STYXL1: variants seen among roughly 807,000 people sequenced by gnomAD.
STYXL1 encodes the protein serine/threonine/tyrosine-interacting-like protein 1.
In STYXL1, 32 loss-of-function variants were observed where a neutral mutation model predicts 36.4. The observed-to-expected ratio is 0.88, with a 90% CI of 0.66 to 1.18. The LOEUF (loss-of-function observed/expected upper bound fraction) is 1.18, where lower values mean the gene tolerates loss of function less well. Ranked by LOEUF, STYXL1 falls within the 50% of genes most tolerant of loss-of-function variation. The probability of loss-of-function intolerance (pLI) is 0.00; values close to 1 mark genes in which losing one functional copy is unlikely to be tolerated. For synonymous variants in STYXL1, 133 were observed against 144.1 expected (o/e 0.92, Z 0.55); for missense variants, 354 against 394.1 (o/e 0.90, Z 0.86).
At chr7:75,998,262 C>G (rs1237074970) in intron 8 of STYXL1, among the ~76,000 whole-genome samples, 1 of 151,770 alleles carries the variant, frequency 6.6e-6, no homozygotes, top group Non-Finnish European at 1.5e-5. Flanking sequence ...GAATAGCCAG[C>G]CTAGCCTAGA....
chr7:76,037,314 G>A lies in STYXL1; in HGVS notation c.-4-6787C>T, dbSNP rs533504764. Among the ~76,000 whole-genome samples the A allele has an allele frequency of 4.7e-5, 7 of 150,492 alleles. 1 individual carries two copies. The highest frequency in any genetic ancestry group is 1.7e-4 in the African/African-American group (7 of 41,256). ...TCCCTGCACACAGTACACCCACCAG[G>A]GGGAAGGTCTGTCACCTTCCATATG... On this transcript the variant is annotated intron_variant, in intron 1 of 8. Transcript: ENST00000359697.
At chr7:76,037,162 G>C (rs559911206) in intron 1 of STYXL1, among the ~76,000 whole-genome samples, 1 of 149,950 alleles carries the variant, frequency 6.7e-6, no homozygotes, top group Non-Finnish European at 1.5e-5. Context: ...CAAGGCAGAA[G>C]GAACTCCCGA....
chr7:76,035,734 C>A (rs1360426586), intron 1 of STYXL1, among the ~76,000 whole-genome samples: 4 of 149,788 alleles, frequency 2.7e-5, no homozygotes, highest in African/African-American at 9.8e-5. Context: ...TGGCTCCTAA[C>A]CCATCTGGTC....
At chr7:76,015,393 G>A (rs1394341660) in intron 4 of STYXL1, among the ~76,000 whole-genome samples, 1 of 152,190 alleles carries the variant, frequency 6.6e-6, no homozygotes, top group East Asian at 1.9e-4. Context: ...AGACTTAAAT[G>A]TAACACCTGA....
rs151087461 is a variant in STYXL1 at position 76,030,498 on chromosome 7, G to A, written c.26C>T (p.Pro9Leu). The change falls in exon 2 of 9, where the codon CCA becomes CTA. Residue 9 changes from proline to leucine, a missense_variant. Coordinates refer to ENST00000359697, the MANE Select transcript of STYXL1 (RefSeq NM_001317785.2). ...ATTCAGGATGTTGTAAAGCTCTGTT[G>A]GTTCACATAAAAGCAAACCAGGCAT... MPGLLLCE[P>L]TELYNILNQA... The A allele has an allele frequency of 6.2e-6, 10 of 1,613,590 alleles. No homozygotes were observed. The highest frequency in any genetic ancestry group is 1.7e-4 in the Middle Eastern group (1 of 6,060).
chr7:76,046,339 T>TGTGTGTGTGTGTGTGTGC (rs1797056612), intron 1 of STYXL1, among the ~76,000 whole-genome samples: 1 of 44,906 alleles, frequency 2.2e-5, no homozygotes, highest in African/African-American at 7.3e-5. Flanking sequence ...TGTGTGTGTG[T>TGTGTGTGTGTGTGTGTGC]GCGCGCGCGC....
chr7:76,011,433 A>T (rs1469556558), intron 5 of STYXL1, among the ~76,000 whole-genome samples: 1 of 152,220 alleles, frequency 6.6e-6, no homozygotes, highest in Admixed American at 6.5e-5. Context: ...TTCGAAAAGC[A>T]ACAATTCCTA....
chr7:76,005,534 C>T (rs1368885422), intron 5 of STYXL1, 130 bp from the exon 6 acceptor site: 35 of 859,092 alleles, frequency 4.1e-5, no homozygotes, highest in Non-Finnish European at 6.1e-5. Context: ...GACGGAGATC[C>T]AGACTTTGAA....
At chr7:76,029,515 A>C (rs1439569927) in intron 2 of STYXL1, among the ~76,000 whole-genome samples, 1 of 151,900 alleles carries the variant, frequency 6.6e-6, no homozygotes, top group Non-Finnish European at 1.5e-5. Flanking sequence ...ATGGAAGACA[A>C]TTTTTCCACG....
chr7:76,021,760 C>T (rs1023675686), intron 4 of STYXL1, 91 bp downstream of exon 4: 14 of 931,546 alleles, frequency 1.5e-5, no homozygotes, highest in East Asian at 2.4e-5. Flanking sequence ...GGCCTGTTCC[C>T]GTGCCATGGG....
chr7:76,047,184 C>G (rs1797238425), intron 1 of STYXL1, among the ~76,000 whole-genome samples: 1 of 152,002 alleles, frequency 6.6e-6, no homozygotes, highest in African/African-American at 2.4e-5. Flanking sequence ...CCACTTGAAC[C>G]TGACAGGCAG....
intron 6 of STYXL1, among the ~76,000 whole-genome samples, chr7:76,004,714 A>G (rs1365133657): frequency 6.9e-5 from 10 of 145,696 alleles, no homozygotes; most frequent in African/African-American, 2.6e-4. Context: ...AAAAAATAAT[A>G]AAATAGGCCA....
intron 2 of STYXL1, 108 bp from the exon 3 acceptor site, chr7:76,028,811 TA>T (rs1795018089): frequency 3.0e-6 from 3 of 1,001,790 alleles, no homozygotes; most frequent in Non-Finnish European, 4.7e-6. Flanking sequence ...AGTTAAGGGA[TA>T]GTCATTGTCA....
intron 7 of STYXL1, among the ~76,000 whole-genome samples, chr7:76,001,713 TC>T (rs1790951809): frequency 6.6e-6 from 1 of 151,454 alleles, no homozygotes; most frequent in Non-Finnish European, 1.5e-5. Flanking sequence ...CAGGCTGGTC[TC>T]CAACTCCAGA....
chr7:76,010,455 T>C lies in STYXL1; in HGVS notation c.453+3287A>G, dbSNP rs1363979289. The stretch of plus-strand genomic sequence containing the variant: ...GGCATGCGGGGCAGGGGACGGGTCA[T>C]GGGCTTCCAAGTTAAGGGGAGGAAG... On this transcript the variant is annotated intron_variant, in intron 5 of 8. Coordinates refer to ENST00000359697, the MANE Select transcript of STYXL1 (RefSeq NM_001317785.2). Among the ~76,000 whole-genome samples the C allele has an allele frequency of 2.0e-5, 3 of 152,040 alleles. 1 individual carries two copies. Among genetic ancestry groups the C allele is most frequent in the South Asian group, 4.1e-4 (2 of 4,824 alleles).
intron 5 of STYXL1, among the ~76,000 whole-genome samples, chr7:76,006,010 G>A (rs145582166): frequency 0.04 from 6,127 of 152,046 alleles, 247 homozygotes; most frequent in South Asian, 0.053. Context: ...ACCTGCCTCG[G>A]CTGCCCAAAG....
At chr7:76,046,339 T>TGTGTGTGTGTGCGC (rs1797056612) in intron 1 of STYXL1, among the ~76,000 whole-genome samples, 1 of 44,906 alleles carries the variant, frequency 2.2e-5, no homozygotes, top group African/African-American at 7.3e-5. Flanking sequence ...TGTGTGTGTG[T>TGTGTGTGTGTGCGC]GCGCGCGCGC....
At chr7:76,020,657 C>T (rs1793948961) in intron 4 of STYXL1, among the ~76,000 whole-genome samples, 1 of 152,196 alleles carries the variant, frequency 6.6e-6, no homozygotes, top group Non-Finnish European at 1.5e-5. Context: ...GGCAACACAG[C>T]AAGACCCAGT....
In STYXL1 at chr7:76,003,058, T is replaced by G. The variant is rs138050061; in HGVS notation, c.697+700A>C. ...TGGGGACTCTGACCTGACTCAGCCC[T>G]GCTCTCTCTACAGATCTTACTCTCC... On this transcript the variant is annotated intron_variant, in intron 7 of 8. Coordinates refer to ENST00000359697, the MANE Select transcript of STYXL1 (RefSeq NM_001317785.2). 6.7e-3 allele frequency among the ~76,000 whole-genome samples: 1,015 copies of G among 152,318 alleles called. 13 individuals are homozygous for G. Among genetic ancestry groups the G allele is most frequent in the African/African-American group, 0.021 (881 of 41,576 alleles).
Sources: gnomAD v4.1 joint callset for allele counts (sites outside exome capture counted in the v4.1 genomes callset) on GRCh38, gnomAD v4.1.1 for gene constraint, MANE v1.5 for transcripts, NCBI Gene and HGNC (gene_info 2026-07-23, HGNC 2026-07-21) for gene names.